The following ZMAT4 variants were observed in gnomAD, a reference collection of about 807,000 sequenced individuals.
ZMAT4 encodes zinc finger matrin-type 4, also known as zinc finger matrin-type protein 4.
ZMAT4 carries 17 observed loss-of-function variants against 28.7 expected under a neutral mutation model. The ratio of observed to expected loss-of-function variants is 0.59; its 90% CI spans 0.41 to 0.89. The LOEUF (loss-of-function observed/expected upper bound fraction) is 0.89. Among genes scored for constraint, ZMAT4 ranks in the 40% least tolerant of loss-of-function variants. ZMAT4 has a pLI of 0.00. For synonymous variants in ZMAT4, 117 were observed against 109.2 expected (o/e 1.07, Z -0.44); for missense variants, 240 against 283.8 (o/e 0.85, Z 1.11).
At chr8:40,561,434 C>G (rs1803736356) in intron 6 of ZMAT4, among the ~76,000 whole-genome samples, 1 of 152,126 alleles carries the variant, frequency 6.6e-6, no homozygotes, top group Non-Finnish European at 1.5e-5. Context: ...GGTCAGGGCT[C>G]ACAGCTTCCA....
chr8:40,788,282 A>C (rs1586051966), intron 2 of ZMAT4, among the ~76,000 whole-genome samples: 1 of 146,544 alleles, frequency 6.8e-6, no homozygotes, highest in Admixed American at 6.7e-5. Flanking sequence ...AAAACAAACT[A>C]CCAAAGCTTA....
intron 6 of ZMAT4, among the ~76,000 whole-genome samples, chr8:40,572,007 G>A (rs1404131234): frequency 6.6e-6 from 1 of 152,138 alleles, no homozygotes; most frequent in Non-Finnish European, 1.5e-5. Context: ...TTTAGCTTTT[G>A]AAATCCATGC....
intron 5 of ZMAT4, among the ~76,000 whole-genome samples, chr8:40,641,626 T>C (rs531105210): frequency 1.2e-4 from 19 of 152,332 alleles, no homozygotes; most frequent in African/African-American, 4.3e-4. Flanking sequence ...ATCATCACAA[T>C]CTGTGCTCTT....
intron 2 of ZMAT4, among the ~76,000 whole-genome samples, chr8:40,814,103 T>C (rs1184398993): frequency 3.4e-5 from 5 of 147,852 alleles, no homozygotes; most frequent in Non-Finnish European, 6.0e-5. Context: ...TAGGATCCTC[T>C]GAGAAAGTGA....
chr8:40,682,005 C>T lies in ZMAT4; in HGVS notation c.350-7074G>A, dbSNP rs137929162. 1.9e-3 allele frequency among the ~76,000 whole-genome samples: 289 copies of T among 152,032 alleles called. 1 individual carries two copies. Among genetic ancestry groups the T allele is most frequent in the African/African-American group, 5.6e-3 (231 of 41,476 alleles). ...ACAAAATCACTTATACACATAGCTG[C>T]AAAACTTTATATAACTATAACTACT... On this transcript the variant is annotated intron_variant, in intron 4 of 6. Coordinates refer to ENST00000297737, the MANE Select transcript of ZMAT4 (RefSeq NM_024645.3).
At chr8:40,746,839 C>T (rs1482312243) in intron 3 of ZMAT4, among the ~76,000 whole-genome samples, 1 of 152,190 alleles carries the variant, frequency 6.6e-6, no homozygotes. Context: ...CTTTCCGTTT[C>T]TCCCCAAACT....
At chr8:40,588,402 A>G (rs1804740162) in intron 5 of ZMAT4, among the ~76,000 whole-genome samples, 1 of 152,136 alleles carries the variant, frequency 6.6e-6, no homozygotes, top group Non-Finnish European at 1.5e-5. Flanking sequence ...TATCCAGAAT[A>G]TATAATTAAC....
chr8:40,702,074 G>C (rs996651109), intron 3 of ZMAT4, among the ~76,000 whole-genome samples: 1 of 152,048 alleles, frequency 6.6e-6, no homozygotes, highest in African/African-American at 2.4e-5. Context: ...ACTTGCTTTC[G>C]GTCACCGTGT....
At chr8:40,792,551 G>A (rs1205126952) in intron 2 of ZMAT4, among the ~76,000 whole-genome samples, 1 of 20,062 alleles carries the variant, frequency 5.0e-5, no homozygotes, top group Non-Finnish European at 1.0e-4. Flanking sequence ...GAGGGAGGGA[G>A]GGAAGGGGAG....
At chr8:40,661,029 T>C (rs936237187) in intron 5 of ZMAT4, among the ~76,000 whole-genome samples, 6 of 152,190 alleles carry the variant, frequency 3.9e-5, no homozygotes, top group African/African-American at 1.4e-4. Context: ...AAACAGTAGG[T>C]GCTTATTAAA....
At chr8:40,887,800 T>C (rs1421941601) in intron 1 of ZMAT4, among the ~76,000 whole-genome samples, 1 of 152,164 alleles carries the variant, frequency 6.6e-6, no homozygotes, top group Non-Finnish European at 1.5e-5. Flanking sequence ...AGCCATGTTA[T>C]TGCAGGTGTA....
chr8:40,733,790 C>A (rs1346975577), intron 3 of ZMAT4, among the ~76,000 whole-genome samples: 1 of 152,142 alleles, frequency 6.6e-6, no homozygotes, highest in Middle Eastern at 3.2e-3. Context: ...TTCTATTACT[C>A]AACAACTCTC....
chr8:40,738,662 C>T (rs1024982581), intron 3 of ZMAT4, among the ~76,000 whole-genome samples: 2 of 152,216 alleles, frequency 1.3e-5, no homozygotes, highest in Non-Finnish European at 2.9e-5. Context: ...AAAGTCCTTG[C>T]GCGAAGAGAG....
chr8:40,620,743 G>A (rs77251104), intron 5 of ZMAT4, among the ~76,000 whole-genome samples: 2 of 152,126 alleles, frequency 1.3e-5, no homozygotes, highest in Admixed American at 1.3e-4. Context: ...GGCCCTGGTA[G>A]GTTGTAATTC....
chr8:40,756,378 A>G (rs1314103493), intron 3 of ZMAT4, among the ~76,000 whole-genome samples: 1 of 144,436 alleles, frequency 6.9e-6, no homozygotes, highest in African/African-American at 2.6e-5. Context: ...AAAATTATAA[A>G]TGCACACATG....
intron 6 of ZMAT4, among the ~76,000 whole-genome samples, chr8:40,537,249 A>G (rs1203694159): frequency 2.6e-5 from 4 of 152,220 alleles, no homozygotes; most frequent in Non-Finnish European, 4.4e-5. Flanking sequence ...ATTCAGGACG[A>G]CTGAAAGTAG....
At chr8:40,836,170 T>A (rs1282786182) in intron 1 of ZMAT4, among the ~76,000 whole-genome samples, 2 of 152,200 alleles carry the variant, frequency 1.3e-5, no homozygotes, top group Non-Finnish European at 2.9e-5. Flanking sequence ...AAAATAATGA[T>A]TGGTTTGGGA....
At chr8:40,833,629 C>T (rs963788372) in intron 1 of ZMAT4, among the ~76,000 whole-genome samples, 3 of 151,640 alleles carry the variant, frequency 2.0e-5, no homozygotes, top group Non-Finnish European at 4.4e-5. Flanking sequence ...TAGGGTGCAG[C>T]GCAGGGGAAG....
At chr8:40,679,255 A>C (rs1284053913) in intron 4 of ZMAT4, among the ~76,000 whole-genome samples, 3 of 152,182 alleles carry the variant, frequency 2.0e-5, no homozygotes, top group Non-Finnish European at 1.5e-5. Context: ...ACTATAAAAT[A>C]ATATGTATAT....
Sources: allele counts gnomAD v4.1 joint callset (sites outside exome capture counted in the v4.1 genomes callset), GRCh38; gene constraint gnomAD v4.1.1; transcripts MANE v1.5; gene names NCBI Gene and HGNC (gene_info 2026-07-23, HGNC 2026-07-21).